CDH23: variants seen among roughly 807,000 people sequenced by gnomAD.
The protein encoded by CDH23 is cadherin related 23.
CDH23 carries 189 observed loss-of-function variants against 317.1 expected under a neutral mutation model. The observed-to-expected ratio is 0.60, with a 90% CI of 0.53 to 0.67. The LOEUF (loss-of-function observed/expected upper bound fraction) is 0.67, where lower values mean the gene tolerates loss of function less well. Among genes scored for constraint, CDH23 ranks in the 30% least tolerant of loss-of-function variants. The probability of loss-of-function intolerance (pLI) is 0.00; values close to 1 mark genes in which losing one functional copy is unlikely to be tolerated. For synonymous variants in CDH23, 1,839 were observed against 1,876.8 expected, an observed-to-expected ratio of 0.98 and a Z score of 0.52; for missense variants, 4,401 against 4,592.4, an observed-to-expected ratio of 0.96 and a Z score of 1.20.
chr10:71,476,164 T>G (rs1043697726), intron 3 of CDH23, among the ~76,000 whole-genome samples: 6 of 152,142 alleles, frequency 3.9e-5, no homozygotes, highest in African/African-American at 1.4e-4. Context: ...AAGGGGAGTT[T>G]TCCTTCCCCC....
chr10:71,698,385 T>C (rs1317514308), intron 22 of CDH23, among the ~76,000 whole-genome samples: 1 of 152,212 alleles, frequency 6.6e-6, no homozygotes, highest in Non-Finnish European at 1.5e-5. Flanking sequence ...AGGTAGGGTC[T>C]GTGGCCAAAG....
intron 3 of CDH23, among the ~76,000 whole-genome samples, chr10:71,477,448 C>T (rs572720289): frequency 2.6e-5 from 4 of 152,294 alleles, no homozygotes; most frequent in African/African-American, 4.8e-5. Context: ...GGATTATAGG[C>T]GTGAGCCACC....
rs778862547 is a variant in CDH23 at position 71,791,335 on chromosome 10, G to A, written c.6253G>A (p.Gly2085Arg). ...TVHLLENCPP[G>R]FSVLQVTATD... ...CCATCTGCTAGAGAACTGCCCGCCT[G>A]GTAAGCAGGGGACAGGCCCCAGCAC... The change falls in exon 47 of 70, where the codon GGA becomes AGA. Residue 2085 changes from glycine to arginine, a missense_variant and splice_region_variant. Physicochemically the swap from Gly to Arg is moderately radical, Grantham distance 125 (BLOSUM62 -2). Transcript: ENST00000224721. 3.1e-6 allele frequency: 5 copies of A among 1,612,794 alleles called. No individual in the cohort carries two copies. The highest frequency in any genetic ancestry group is 4.2e-6 in the Non-Finnish European group (5 of 1,179,434).
intron 14 of CDH23, among the ~76,000 whole-genome samples, chr10:71,663,841 A>G (rs574955255): frequency 6.6e-6 from 1 of 152,222 alleles, no homozygotes; most frequent in Non-Finnish European, 1.5e-5. Context: ...GTTATTTTAA[A>G]GATTAGGAAA....
At chr10:71,518,613 C>A (rs543730897) in intron 6 of CDH23, among the ~76,000 whole-genome samples, 2 of 152,318 alleles carry the variant, frequency 1.3e-5, no homozygotes, top group East Asian at 3.9e-4. Flanking sequence ...TGCAGAGGCA[C>A]CTCCGTGATT....
intron 9 of CDH23, among the ~76,000 whole-genome samples, chr10:71,606,726 G>A (rs1488884985): frequency 1.3e-5 from 2 of 152,186 alleles, no homozygotes; most frequent in East Asian, 3.8e-4. Context: ...AGAGGATAAT[G>A]GAGAGAGAGT....
rs75646400 is a variant in CDH23 at position 71,539,505 on chromosome 10, A to G, written c.430-27237A>G. Among the ~76,000 whole-genome samples, 134 of 151,940 alleles carry G rather than the reference A, an allele frequency of 8.8e-4. 2 individuals carry two copies. In the East Asian group the frequency reaches 0.023, roughly 26 times the overall value. On this transcript the variant is annotated intron_variant, in intron 6 of 69. Coordinates refer to ENST00000224721, the MANE Select transcript of CDH23 (RefSeq NM_022124.6). ...GCTTGTGGCTTTGTTTGTTAGACGC[A>G]TGTCAAGCCTGATGAACTAAATGAT... is the stretch of plus-strand genomic sequence containing the variant.
At chr10:71,476,810 C>T (rs1851817123) in intron 3 of CDH23, among the ~76,000 whole-genome samples, 1 of 152,198 alleles carries the variant, frequency 6.6e-6, no homozygotes, top group South Asian at 2.1e-4. Flanking sequence ...CTGGCTTGAC[C>T]TGCTCCCTCC....
chr10:71,525,396 C>T (rs78939259), intron 6 of CDH23, among the ~76,000 whole-genome samples: 1 of 152,182 alleles, frequency 6.6e-6, no homozygotes, highest in African/African-American at 2.4e-5. Flanking sequence ...CCCTGAAGCA[C>T]CCCCAGGCTC....
chr10:71,535,166 T>C (rs920413200), intron 6 of CDH23, among the ~76,000 whole-genome samples: 5 of 152,236 alleles, frequency 3.3e-5, no homozygotes, highest in African/African-American at 1.2e-4. Flanking sequence ...AAGACAGCAG[T>C]AGGACTGAAG....
At chr10:71,786,666 T>G (rs1003559276) in intron 44 of CDH23, among the ~76,000 whole-genome samples, 1 of 151,728 alleles carries the variant, frequency 6.6e-6, no homozygotes, top group Non-Finnish European at 1.5e-5. Context: ...CCCGGCTAAT[T>G]TTTGTATTTT....
At chr10:71,723,909 C>T (rs560343704) in intron 28 of CDH23, 136 bp from the exon 29 acceptor site, 9 of 958,778 alleles carry the variant, frequency 9.4e-6, no homozygotes, top group Non-Finnish European at 1.3e-5. Context: ...CTCCCACACC[C>T]CCAGCCTCTG....
intron 24 of CDH23, 131 bp from the exon 25 acceptor site, chr10:71,704,780 G>A: frequency 1.3e-6 from 1 of 741,634 alleles, no homozygotes; most frequent in Non-Finnish European, 2.3e-6. Flanking sequence ...CTGGCCTAAG[G>A]CTTGGAGGGG....
At chr10:71,753,672 T>C (rs553393968) in intron 38 of CDH23, 29 of 437,256 alleles carry the variant, frequency 6.6e-5, no homozygotes, top group South Asian at 4.5e-4. Flanking sequence ...ACCAATTAGA[T>C]GCAGTGACCC....
intron 14 of CDH23, among the ~76,000 whole-genome samples, chr10:71,673,759 T>A (rs376754842): frequency 6.6e-6 from 1 of 152,202 alleles, no homozygotes; most frequent in Non-Finnish European, 1.5e-5. Flanking sequence ...TAATAGTACC[T>A]ACCTCACAGG....
At chr10:71,814,540 TC>T (rs1842053211) in intron 69 of CDH23, among the ~76,000 whole-genome samples, 1 of 152,196 alleles carries the variant, frequency 6.6e-6, no homozygotes, top group Non-Finnish European at 1.5e-5. Context: ...GTGCCTGTAA[TC>T]CCACCTACGT....
At chr10:71,692,207 GCA>G (rs933053824) in intron 20 of CDH23, among the ~76,000 whole-genome samples, 2 of 152,158 alleles carry the variant, frequency 1.3e-5, no homozygotes, top group Non-Finnish European at 2.9e-5. Flanking sequence ...GACTCGCAGA[GCA>G]CGAACTTCTG....
At chr10:71,467,380 A>G (rs1218313721) in intron 3 of CDH23, among the ~76,000 whole-genome samples, 6 of 152,198 alleles carry the variant, frequency 3.9e-5, no homozygotes, top group Non-Finnish European at 8.8e-5. Context: ...TTTCTGGTTG[A>G]GCAGGTCTGA....
intron 14 of CDH23, among the ~76,000 whole-genome samples, chr10:71,652,217 A>G (rs1863209722): frequency 1.3e-5 from 2 of 152,126 alleles, no homozygotes; most frequent in Admixed American, 1.3e-4. Context: ...GTGGCCTAAA[A>G]GCCTGCTCCT....
Sources: gnomAD v4.1 joint callset for allele counts (sites outside exome capture counted in the v4.1 genomes callset) on GRCh38, gnomAD v4.1.1 for gene constraint, MANE v1.5 for transcripts, NCBI Gene and HGNC (gene_info 2026-07-23, HGNC 2026-07-21) for gene names.